Variants in MICAL3 observed in about 807,000 individuals in gnomAD.
MICAL3 encodes [F-actin]-monooxygenase MICAL3.
A neutral mutation model predicts 207.4 loss-of-function variants in MICAL3; 62 were observed. The ratio of observed to expected loss-of-function variants is 0.30; its 90% CI spans 0.24 to 0.37. The LOEUF is 0.37. Ranked by LOEUF, MICAL3 falls within the 10% of genes least tolerant of loss-of-function variation. MICAL3 has a pLI of 1.00. For synonymous variants in MICAL3, 1,077 were observed against 1,069.3 expected, an observed-to-expected ratio of 1.01 and a Z score of -0.14; for missense variants, 2,368 against 2,635.6, an observed-to-expected ratio of 0.90 and a Z score of 2.22.
Position 17,889,119 on chromosome 22 carries a change from G to C in MICAL3, c.1806C>G (p.Ala602=), listed in dbSNP as rs1930184358. 1 of 1,613,788 alleles carries C rather than the reference G, an allele frequency of 6.2e-7. No individual in the cohort carries two copies. Among genetic ancestry groups the C allele is most frequent in the African/African-American group, 1.3e-5 (1 of 74,926 alleles). Reference sequence around the variant, plus strand: ...ACAGCTTATCAGGCTCCCCCACGGAGGCCATTTCTTTGCCTGTCATGATGG... The same window carrying C: ...ACAGCTTATCAGGCTCCCCCACGGACGCCATTTCTTTGCCTGTCATGATGG... ...ISPIMTGKEM[A]SVGEPDKLSM... is the part of the protein sequence containing the mutation. Residue 602 remains alanine, a synonymous_variant, in exon 13 of 32, where the codon GCC becomes GCG. Coordinates refer to ENST00000441493, the MANE Select transcript of MICAL3 (RefSeq NM_015241.3).
chr22:17,922,624 A>G (rs973476207), intron 1 of MICAL3, among the ~76,000 whole-genome samples: 1 of 152,202 alleles, frequency 6.6e-6, no homozygotes, highest in Non-Finnish European at 1.5e-5. Flanking sequence ...ACTCATGCCC[A>G]CAGGCTTCTT....
chr22:17,882,486 T>G (rs1470674812), intron 16 of MICAL3, among the ~76,000 whole-genome samples: 1 of 152,236 alleles, frequency 6.6e-6, no homozygotes, highest in Non-Finnish European at 1.5e-5. Context: ...TGGGTACCAC[T>G]GGAGTTCCTC....
rs752093826 is a variant in MICAL3, at chr22:17,788,643, GAGAAA to G, written c.*2084_*2088del. 5 of 152,260 alleles carry G rather than the reference GAGAAA, an allele frequency of 3.3e-5. No homozygotes were observed. The highest frequency in any genetic ancestry group is 7.3e-5 in the Non-Finnish European group (5 of 68,044). 9.4% of individuals were successfully genotyped at this position (152,260 alleles called of 1,614,324 possible). A position where few individuals can be genotyped will look rare whatever the true frequency, so the allele number is the denominator to read the frequency against. On this transcript the variant is annotated 3_prime_UTR_variant, in exon 32 of 32. Coordinates refer to ENST00000441493, the MANE Select transcript of MICAL3 (RefSeq NM_015241.3). Reference sequence around the variant, plus strand: ...CCTCCTCTCCCCTTTTTTAAGTAAAGAGAAAAGAAAAGGAGACCTTTGCCTCACGT... The same window carrying G: ...CCTCCTCTCCCCTTTTTTAAGTAAAGAGAAAAGGAGACCTTTGCCTCACGT...
At chr22:17,826,052 C>A (rs1221327298) in intron 22 of MICAL3, among the ~76,000 whole-genome samples, 1 of 152,228 alleles carries the variant, frequency 6.6e-6, no homozygotes, top group Non-Finnish European at 1.5e-5. Context: ...CTGGTTTTGA[C>A]AGCCTCCTTC....
chr22:17,895,107 C>G (rs1930716686), intron 10 of MICAL3, among the ~76,000 whole-genome samples, 177 bp downstream of exon 10: 1 of 152,206 alleles, frequency 6.6e-6, no homozygotes, highest in Non-Finnish European at 1.5e-5. Context: ...CCTTAGCTCT[C>G]AATCTGTTGA....
Position 17,902,563 on chromosome 22 carries a change from C to A in MICAL3, c.589+68G>T. ...GCCCTCAGGAGCCTTTGGTTTGCTC[C>A]CTCAATCTCATCTTCCTCACCCATC... is the stretch of plus-strand genomic sequence containing the variant. On this transcript the variant is annotated intron_variant, in intron 4 of 31. Coordinates refer to ENST00000441493, the MANE Select transcript of MICAL3 (RefSeq NM_015241.3). The surrounding 1 kb of genome is among the most constrained non-coding windows in gnomAD (Gnocchi z 4.5). 1 of 985,328 alleles carries A rather than the reference C, an allele frequency of 1.0e-6. No individual in the cohort carries two copies. Among genetic ancestry groups the A allele is most frequent in the South Asian group, 1.5e-5 (1 of 67,680 alleles). The allele number at this position is 985,328 out of a possible 1,614,324, so 61.0% of individuals were successfully genotyped here.
At chr22:17,867,213 C>A (rs2146149638) in intron 17 of MICAL3, among the ~76,000 whole-genome samples, 1 of 151,084 alleles carries the variant, frequency 6.6e-6, no homozygotes, top group African/African-American at 2.4e-5. Context: ...AAATAATTTT[C>A]ATAATGCCTA....
chr22:17,824,702 A>G (rs1569081941), intron 22 of MICAL3, among the ~76,000 whole-genome samples: 1 of 152,172 alleles, frequency 6.6e-6, no homozygotes, highest in East Asian at 1.9e-4. Context: ...AGAGTGGCCC[A>G]CGTTGCTGGC....
chr22:17,864,742 A>C, intron 19 of MICAL3, 157 bp downstream of exon 19: 1 of 1,613,848 alleles, frequency 6.2e-7, no homozygotes, highest in Non-Finnish European at 8.5e-7. Context: ...TCCGAACGCA[A>C]GCAGCTGGCA....
In MICAL3 at chr22:17,864,882, CAAG is replaced by C; in HGVS notation, c.2605+14_2605+16del. On this transcript the variant is annotated intron_variant, in intron 19 of 31. Transcript: ENST00000441493. The stretch of plus-strand genomic sequence containing the variant: ...GGGAGTGACGCGCCACCCAGCCAAA[CAAG>C]GAAGTGAGGCTACCTGGGGTTCTCT... The C allele has an allele frequency of 6.2e-7, 1 of 1,613,868 alleles. No homozygotes were observed. Among genetic ancestry groups the C allele is most frequent in the Non-Finnish European group, 8.5e-7 (1 of 1,179,876 alleles).
intron 22 of MICAL3, among the ~76,000 whole-genome samples, chr22:17,823,712 C>T (rs1161303286): frequency 1.3e-5 from 2 of 152,144 alleles, no homozygotes; most frequent in Admixed American, 6.5e-5. Flanking sequence ...AGACTTGTGT[C>T]CCATCCCCAA....
Position 17,900,774 on chromosome 22 carries a change from C to A in MICAL3, c.847+68G>T. The stretch of plus-strand genomic sequence containing the variant: ...CCGACGGCCACTCACCCCACCAATC[C>A]CCCAAGAAAAAGCCACCAGGGACTA... On this transcript the variant is annotated intron_variant, in intron 6 of 31. Transcript: ENST00000441493. The surrounding 1 kb of genome is among the most constrained non-coding windows in gnomAD (Gnocchi z 4.0). 1.4e-6 allele frequency: 2 copies of A among 1,468,390 alleles called. No homozygotes were observed. The highest frequency in any genetic ancestry group is 1.2e-5 in the South Asian group (1 of 84,936). The allele number at this position is 1,468,390 out of a possible 1,614,324, so 91.0% of individuals were successfully genotyped here. A position where few individuals can be genotyped will look rare whatever the true frequency, so the allele number is the denominator to read the frequency against.
At chr22:17,909,532 A>G (rs1931977289) in intron 1 of MICAL3, among the ~76,000 whole-genome samples, 1 of 152,220 alleles carries the variant, frequency 6.6e-6, no homozygotes, top group Admixed American at 6.5e-5. Context: ...CTCAAAACAA[A>G]ACAAAACAAA....
At chr22:17,913,446 G>C (rs1037045033) in intron 1 of MICAL3, among the ~76,000 whole-genome samples, 1 of 152,192 alleles carries the variant, frequency 6.6e-6, no homozygotes, top group Non-Finnish European at 1.5e-5. Flanking sequence ...ACACATGTTA[G>C]AGAAAGACTT....
chr22:17,792,702 C>T (rs1384219823), intron 29 of MICAL3, among the ~76,000 whole-genome samples: 2 of 152,234 alleles, frequency 1.3e-5, no homozygotes, highest in Non-Finnish European at 2.9e-5. Context: ...GGGTTAGTGT[C>T]TGTACTGTGC....
chr22:17,883,631 C>A (rs181340235), intron 16 of MICAL3, among the ~76,000 whole-genome samples: 1 of 152,230 alleles, frequency 6.6e-6, no homozygotes. Context: ...AATTCCTCTG[C>A]TGGGTTTTCT....
At chr22:17,854,848 G>A (rs945164831) in intron 19 of MICAL3, among the ~76,000 whole-genome samples, 2 of 152,214 alleles carry the variant, frequency 1.3e-5, no homozygotes, top group Admixed American at 6.5e-5. Context: ...CTCCTGGCTG[G>A]ATGCTAGAAG....
intron 1 of MICAL3, among the ~76,000 whole-genome samples, chr22:17,971,900 T>A (rs959266886): frequency 6.6e-6 from 1 of 152,156 alleles, no homozygotes; most frequent in South Asian, 2.1e-4. Flanking sequence ...CAGGCGACAA[T>A]GCACATGGCC....
chr22:17,953,463 G>A (rs944699979), intron 1 of MICAL3, among the ~76,000 whole-genome samples: 6 of 152,076 alleles, frequency 3.9e-5, no homozygotes, highest in Non-Finnish European at 7.4e-5. Flanking sequence ...GTACAGAAAG[G>A]TCATGTTAAG....
Sources: gnomAD v4.1 joint callset for allele counts (sites outside exome capture counted in the v4.1 genomes callset) on GRCh38, gnomAD v4.1.1 for gene constraint, Gnocchi (gnomAD v3.1) non-coding constraint, MANE v1.5 for transcripts, NCBI Gene and HGNC (gene_info 2026-07-23, HGNC 2026-07-21) for gene names.